The following CSMD1 variants were observed in gnomAD, a reference collection of about 807,000 sequenced individuals.
CSMD1 encodes CUB and Sushi multiple domains 1, also known as CUB and sushi domain-containing protein 1.
Under a neutral mutation model 417.5 loss-of-function variants are expected in CSMD1, and 213 were observed. That is an observed-to-expected ratio of 0.51 (90% CI 0.46 to 0.57). The LOEUF (loss-of-function observed/expected upper bound fraction) is 0.57. Among genes scored for constraint, CSMD1 ranks in the 20% least tolerant of loss-of-function variants. CSMD1 has a pLI of 0.00. For missense variants in CSMD1, 6,923 were observed against 4,529.7 expected (o/e 1.53, Z -15.17); for synonymous variants, 2,862 against 1,736.8 (o/e 1.65, Z -16.11).
intron 12 of CSMD1, among the ~76,000 whole-genome samples, chr8:3,441,579 G>A (rs867948518): frequency 6.6e-6 from 1 of 150,884 alleles, no homozygotes; most frequent in Non-Finnish European, 1.5e-5. Flanking sequence ...TGTATACAAT[G>A]GTCCCATAAG....
At chr8:3,710,402 C>G (rs1208775090) in intron 6 of CSMD1, among the ~76,000 whole-genome samples, 2 of 152,146 alleles carry the variant, frequency 1.3e-5, no homozygotes, top group Admixed American at 1.3e-4. Flanking sequence ...CTGTGTAAGG[C>G]TGGAGACGAT....
At chr8:4,632,001 T>C (rs931118248) in intron 2 of CSMD1, among the ~76,000 whole-genome samples, 1 of 152,196 alleles carries the variant, frequency 6.6e-6, no homozygotes, top group African/African-American at 2.4e-5. Flanking sequence ...ATATAATAAT[T>C]TTATCACAGT....
intron 5 of CSMD1, among the ~76,000 whole-genome samples, chr8:3,826,943 T>G (rs1384776815): frequency 1.3e-5 from 2 of 152,088 alleles, no homozygotes; most frequent in Admixed American, 6.5e-5. Flanking sequence ...TGTGCCTAGC[T>G]ATTTTTTTAA....
rs1437624513 is a variant in CSMD1 at position 2,937,704 on chromosome 8, G to C, written c.*881C>G. 4.6e-5 allele frequency: 7 copies of C among 152,220 alleles called. No individual in the cohort carries two copies. The highest frequency in any genetic ancestry group is 1.0e-4 in the Non-Finnish European group (7 of 68,020). 9.4% of individuals were successfully genotyped at this position (152,220 alleles called of 1,614,324 possible). On this transcript the variant is annotated 3_prime_UTR_variant, in exon 70 of 70. Transcript: ENST00000635120. The stretch of plus-strand genomic sequence containing the variant: ...CTTCAATGAATTCAACACGTAAATG[G>C]AGCTAATTGAAGCAATAATAAAATA...
intron 7 of CSMD1, among the ~76,000 whole-genome samples, chr8:3,672,067 T>G (rs1473094187): frequency 6.6e-6 from 1 of 152,202 alleles, no homozygotes; most frequent in Non-Finnish European, 1.5e-5. Flanking sequence ...ACATCTTATC[T>G]TACTTTCAAA....
chr8:4,993,981 A>T (rs934986455), intron 1 of CSMD1, among the ~76,000 whole-genome samples: 1 of 152,024 alleles, frequency 6.6e-6, no homozygotes, highest in African/African-American at 2.4e-5. Flanking sequence ...CGACCCGTGG[A>T]GTCCACGTCT....
Position 4,820,113 on chromosome 8 carries a change from C to A in CSMD1, c.85+174219G>T, listed in dbSNP as rs527693945. 1.9e-4 allele frequency among the ~76,000 whole-genome samples: 29 copies of A among 152,244 alleles called. 1 individual carries two copies. The highest frequency in any genetic ancestry group is 6.7e-4 in the African/African-American group (28 of 41,550). ...GAAAGCCACCTAAGGCAAATCTGAGCTGGGACAGAGGCTAGAATTCTTGCA... is the reference window on the plus strand; with the variant it reads ...GAAAGCCACCTAAGGCAAATCTGAGATGGGACAGAGGCTAGAATTCTTGCA... On this transcript the variant is annotated intron_variant, in intron 1 of 69. Transcript: ENST00000635120.
chr8:4,529,911 ATTTATT>A (rs1346578208), intron 2 of CSMD1, among the ~76,000 whole-genome samples: 1 of 141,378 alleles, frequency 7.1e-6, no homozygotes, highest in Admixed American at 7.2e-5. Context: ...TTTTATTTTT[ATTTATT>A]TTTGTTTGTC....
In CSMD1 at chr8:4,632,205, G is replaced by A. The variant is rs574419518; in HGVS notation, c.302+5137C>T. ...TGAGTTGCCCTGAATCAGGAATAAT[G>A]TAATTCAAAATTGCCCCACGAACAC... On this transcript the variant is annotated intron_variant, in intron 2 of 69. Coordinates refer to ENST00000635120, the MANE Select transcript of CSMD1 (RefSeq NM_033225.6). Among the ~76,000 whole-genome samples, 4 of 152,280 alleles carry A rather than the reference G, an allele frequency of 2.6e-5. No homozygotes were observed. The South Asian group carries it at 8.3e-4, about 32-fold the overall frequency.
chr8:4,553,074 C>G (rs540132130), intron 2 of CSMD1, among the ~76,000 whole-genome samples: 1 of 152,206 alleles, frequency 6.6e-6, no homozygotes, highest in East Asian at 1.9e-4. Flanking sequence ...TAACACCACT[C>G]TCTAGGTACC....
At chr8:4,716,540 T>A (rs560033330) in intron 1 of CSMD1, among the ~76,000 whole-genome samples, 8 of 152,232 alleles carry the variant, frequency 5.3e-5, no homozygotes, top group Non-Finnish European at 8.8e-5. Flanking sequence ...CTACTTTTAA[T>A]TGACAGATAA....
chr8:3,839,371 C>T (rs1213842654), intron 5 of CSMD1, among the ~76,000 whole-genome samples: 2 of 69,092 alleles, frequency 2.9e-5, no homozygotes, highest in East Asian at 1.0e-3. Flanking sequence ...TATATACTCT[C>T]TCTAGATATA....
At chr8:3,677,436 G>T (rs1275903613) in intron 7 of CSMD1, among the ~76,000 whole-genome samples, 1 of 152,196 alleles carries the variant, frequency 6.6e-6, no homozygotes. Flanking sequence ...TGATCCCACA[G>T]TACAGGTTGT....
chr8:4,114,268 G>A (rs190990870), intron 3 of CSMD1, among the ~76,000 whole-genome samples: 250 of 152,284 alleles, frequency 1.6e-3, no homozygotes, highest in Non-Finnish European at 2.5e-3. Flanking sequence ...TAAGAATGAT[G>A]CTAAATGCAC....
At chr8:3,476,134 G>T (rs748304155) in intron 11 of CSMD1, among the ~76,000 whole-genome samples, 2 of 152,162 alleles carry the variant, frequency 1.3e-5, no homozygotes. Flanking sequence ...TTTGAGTCCA[G>T]GAGTTCAAGA....
At chr8:4,575,647 C>T (rs1350522434) in intron 2 of CSMD1, among the ~76,000 whole-genome samples, 1 of 152,078 alleles carries the variant, frequency 6.6e-6, no homozygotes, top group Non-Finnish European at 1.5e-5. Flanking sequence ...TTCCCCTTGC[C>T]TATACAAAGG....
intron 57 of CSMD1, among the ~76,000 whole-genome samples, chr8:2,970,375 A>G (rs1804348281): frequency 6.6e-6 from 1 of 152,210 alleles, no homozygotes; most frequent in South Asian, 2.1e-4. Context: ...AGAATATTTC[A>G]TATTCCACTT....
At chr8:3,679,459 G>C (rs1799541479) in intron 7 of CSMD1, among the ~76,000 whole-genome samples, 1 of 152,138 alleles carries the variant, frequency 6.6e-6, no homozygotes, top group South Asian at 2.1e-4. Flanking sequence ...TAATGGTAAA[G>C]GGATCAATTC....
intron 1 of CSMD1, among the ~76,000 whole-genome samples, chr8:4,791,458 G>C (rs1797684815): frequency 6.6e-6 from 1 of 152,150 alleles, no homozygotes; most frequent in African/African-American, 2.4e-5. Context: ...TTGTGATCTT[G>C]AAAAGTGAAC....
Sources: allele counts gnomAD v4.1 joint callset (sites outside exome capture counted in the v4.1 genomes callset), GRCh38; gene constraint gnomAD v4.1.1; transcripts MANE v1.5; gene names NCBI Gene and HGNC (gene_info 2026-07-23, HGNC 2026-07-21).